MAPKAP1: variants seen among roughly 807,000 people sequenced by gnomAD.
MAPKAP1 encodes target of rapamycin complex 2 subunit MAPKAP1.
Under a neutral mutation model 65.7 loss-of-function variants are expected in MAPKAP1, and 20 were observed. The observed-to-expected ratio is 0.30, with a 90% confidence interval of 0.21 to 0.44. The LOEUF is 0.44. MAPKAP1 is among the 20% of genes least tolerant of loss of function. The pLI is 1.00. For missense variants in MAPKAP1, 423 were observed against 648.0 expected (o/e 0.65, Z 3.77); for synonymous variants, 222 against 244.3 (o/e 0.91, Z 0.85).
In MAPKAP1 at chr9:125,543,435, T is replaced by C. The variant is rs1830317500; in HGVS notation, c.849-267A>G. 3.3e-5 allele frequency among the ~76,000 whole-genome samples: 5 copies of C among 151,586 alleles called. No homozygotes were observed. In the South Asian group the frequency reaches 1.0e-3, roughly 32 times the overall value. On this transcript the variant is annotated intron_variant, in intron 6 of 11. Transcript: ENST00000265960. ...GCGCCCGCCACTACATCCGGCTAAT[T>C]TTTTGTATTTTTTTTTTTTTTTAGT... is the stretch of plus-strand genomic sequence containing the variant.
At chr9:125,473,308 A>C (rs866596216) in intron 9 of MAPKAP1, among the ~76,000 whole-genome samples, 7 of 152,036 alleles carry the variant, frequency 4.6e-5, no homozygotes, top group Admixed American at 4.6e-4. Flanking sequence ...TCTTGGAAAC[A>C]AGGGAGGCAG....
chr9:125,488,519 T>G (rs60077420), intron 8 of MAPKAP1, among the ~76,000 whole-genome samples: 4,105 of 152,270 alleles, frequency 0.027, 188 homozygotes, highest in African/African-American at 0.094. Flanking sequence ...TAATTTTTTG[T>G]ATTTTTAGGA....
intron 1 of MAPKAP1, among the ~76,000 whole-genome samples, chr9:125,698,285 ATAAATATATATATAT>A (rs1193384333): frequency 1.5e-4 from 4 of 25,820 alleles, no homozygotes; most frequent in Middle Eastern, 0.017. Flanking sequence ...CATAATATAT[ATAAATATATATATAT>A]ATATATATAT....
intron 8 of MAPKAP1, among the ~76,000 whole-genome samples, chr9:125,496,179 C>A (rs1360730180): frequency 6.6e-6 from 1 of 152,164 alleles, no homozygotes; most frequent in African/African-American, 2.4e-5. Flanking sequence ...CTTTATAGTG[C>A]GAACCAGTCC....
chr9:125,635,246 G>T (rs901506757), intron 4 of MAPKAP1, among the ~76,000 whole-genome samples: 69 of 152,122 alleles, frequency 4.5e-4, no homozygotes, highest in Non-Finnish European at 6.2e-4. Context: ...TCAGAACTTA[G>T]AACAGACCCA....
chr9:125,658,366 G>A (rs191872691), intron 3 of MAPKAP1, among the ~76,000 whole-genome samples: 11 of 152,274 alleles, frequency 7.2e-5, no homozygotes, highest in Admixed American at 5.9e-4. Flanking sequence ...ATTGCTGCTC[G>A]GCCTTTTGGC....
At chr9:125,643,108 C>A (rs1163383768) in intron 4 of MAPKAP1, among the ~76,000 whole-genome samples, 1 of 151,870 alleles carries the variant, frequency 6.6e-6, no homozygotes, top group Non-Finnish European at 1.5e-5. Context: ...CCAAGTTGCC[C>A]AGGCTGGTCT....
In MAPKAP1 at chr9:125,475,993, A is replaced by G. The variant is rs543272856; in HGVS notation, c.1208-7884T>C. Among the ~76,000 whole-genome samples, 33 of 152,304 alleles carry G rather than the reference A, an allele frequency of 2.2e-4. 1 individual carries two copies. Among genetic ancestry groups the G allele is most frequent in the African/African-American group, 7.2e-4 (30 of 41,548 alleles). On this transcript the variant is annotated intron_variant, in intron 9 of 11. Transcript: ENST00000265960. ...AATTCCATCATGCCAGTGCTTCTCA[A>G]CTTCTTCCAATTCTCAATTCTTTCT...
chr9:125,473,075 G>T (rs1411041206), intron 9 of MAPKAP1, among the ~76,000 whole-genome samples: 1 of 149,334 alleles, frequency 6.7e-6, no homozygotes, highest in African/African-American at 2.5e-5. Context: ...TTCTTCAGCA[G>T]AACTTTTTTT....
intron 4 of MAPKAP1, among the ~76,000 whole-genome samples, chr9:125,628,866 TCAACAACAA>T (rs71374283): frequency 8.6e-5 from 13 of 151,362 alleles, no homozygotes; most frequent in South Asian, 6.3e-4. Context: ...ACTCTACAAC[TCAACAACAA>T]CAACAACAAC....
At chr9:125,559,554 T>A (rs758039115) in intron 6 of MAPKAP1, 79 bp downstream of exon 6, 8 of 1,378,944 alleles carry the variant, frequency 5.8e-6, no homozygotes, top group Non-Finnish European at 8.0e-6. Flanking sequence ...ATTTATTTGA[T>A]GAACAAAACC....
chr9:125,504,375 A>G (rs1829076684), intron 8 of MAPKAP1, among the ~76,000 whole-genome samples: 1 of 152,202 alleles, frequency 6.6e-6, no homozygotes, highest in African/African-American at 2.4e-5. Context: ...GGGGACAGTA[A>G]CCTTCTGCCT....
intron 4 of MAPKAP1, among the ~76,000 whole-genome samples, chr9:125,621,517 T>C (rs753380173): frequency 8.5e-5 from 13 of 152,198 alleles, no homozygotes; most frequent in Non-Finnish European, 1.6e-4. Context: ...ATAAAATACT[T>C]AGCACAATGC....
chr9:125,510,913 G>C (rs912501269), intron 7 of MAPKAP1, among the ~76,000 whole-genome samples: 3 of 152,156 alleles, frequency 2.0e-5, no homozygotes, highest in African/African-American at 7.2e-5. Flanking sequence ...TATACGAGAG[G>C]CAATATAGCC....
intron 10 of MAPKAP1, among the ~76,000 whole-genome samples, chr9:125,449,351 TTAAC>T (rs1382390555): frequency 6.6e-6 from 1 of 152,032 alleles, no homozygotes; most frequent in Non-Finnish European, 1.5e-5. Flanking sequence ...GGTCATTCAT[TTAAC>T]TATGATGGAA....
intron 4 of MAPKAP1, among the ~76,000 whole-genome samples, chr9:125,639,364 C>T (rs1002258589): frequency 6.6e-6 from 1 of 152,314 alleles, no homozygotes; most frequent in Admixed American, 6.5e-5. Context: ...TTCCCCATAC[C>T]TCAGTCTCCT....
At chr9:125,654,239 G>A (rs932099168) in intron 4 of MAPKAP1, among the ~76,000 whole-genome samples, 1 of 152,134 alleles carries the variant, frequency 6.6e-6, no homozygotes, top group Non-Finnish European at 1.5e-5. Context: ...CAGAAGGACT[G>A]GCACAAGAAG....
intron 1 of MAPKAP1, among the ~76,000 whole-genome samples, chr9:125,678,401 C>G (rs999997890): frequency 9.9e-5 from 15 of 152,102 alleles, no homozygotes; most frequent in African/African-American, 3.4e-4. Flanking sequence ...CGCCACCACG[C>G]CTGGCTAATT....
chr9:125,453,493 C>G (rs935284862), intron 10 of MAPKAP1, among the ~76,000 whole-genome samples: 1 of 152,226 alleles, frequency 6.6e-6, no homozygotes, highest in African/African-American at 2.4e-5. Context: ...GCCAGACTCC[C>G]GCAGATATGT....
Sources: allele counts gnomAD v4.1 joint callset (sites outside exome capture counted in the v4.1 genomes callset), GRCh38; gene constraint gnomAD v4.1.1; transcripts MANE v1.5; gene names NCBI Gene and HGNC (gene_info 2026-07-23, HGNC 2026-07-21).